The following RGS7 variants were observed in gnomAD, a reference collection of about 807,000 sequenced individuals.
RGS7 encodes the protein regulator of G protein signaling 7.
Under a neutral mutation model 81.1 loss-of-function variants are expected in RGS7, and 27 were observed. The observed-to-expected ratio is 0.33, with a 90% CI of 0.25 to 0.46. The LOEUF is 0.46. Ranked by LOEUF, RGS7 falls within the 20% of genes least tolerant of loss-of-function variation. The pLI, the probability that RGS7 is intolerant of heterozygous loss-of-function variation, is 1.00. For synonymous variants in RGS7, 208 were observed against 207.7 expected (o/e 1.00, Z -0.01); for missense variants, 396 against 607.4 (o/e 0.65, Z 3.66).
intron 2 of RGS7, among the ~76,000 whole-genome samples, chr1:241,237,684 G>C (rs1287501936): frequency 2.6e-5 from 4 of 152,180 alleles, no homozygotes; most frequent in African/African-American, 9.6e-5. Context: ...ACCAGAAGAA[G>C]AAAGGGGCGT....
At chr1:240,809,191 AG>A (rs1443776811) in intron 14 of RGS7, among the ~76,000 whole-genome samples, 2 of 152,230 alleles carry the variant, frequency 1.3e-5, no homozygotes, top group Non-Finnish European at 2.9e-5. Context: ...CTCAAAAAAA[AG>A]AATGAGGGAA....
At chr1:240,852,129 T>C (rs774024071) in intron 9 of RGS7, among the ~76,000 whole-genome samples, 1 of 152,144 alleles carries the variant, frequency 6.6e-6, no homozygotes, top group Non-Finnish European at 1.5e-5. Flanking sequence ...AAAGAGTCAA[T>C]TGATGTGGCA....
intron 4 of RGS7, among the ~76,000 whole-genome samples, chr1:240,973,937 T>G (rs761673680): frequency 2.0e-4 from 31 of 152,162 alleles, no homozygotes; most frequent in Non-Finnish European, 3.8e-4. Flanking sequence ...GGGCTGTAAT[T>G]TCATTGGCAG....
At chr1:241,245,691 T>G (rs991711176) in intron 2 of RGS7, among the ~76,000 whole-genome samples, 1 of 151,534 alleles carries the variant, frequency 6.6e-6, no homozygotes, top group Non-Finnish European at 1.5e-5. Context: ...CCTGTAATCC[T>G]AGCTACTCGG....
At chr1:241,224,861 T>C (rs1039883739) in intron 2 of RGS7, among the ~76,000 whole-genome samples, 4 of 152,160 alleles carry the variant, frequency 2.6e-5, no homozygotes, top group Admixed American at 1.3e-4. Context: ...TATAGCTCAG[T>C]GATTGCCACA....
intron 2 of RGS7, among the ~76,000 whole-genome samples, chr1:241,155,154 G>A (rs940772570): frequency 9.2e-5 from 14 of 152,114 alleles, no homozygotes; most frequent in African/African-American, 3.4e-4. Flanking sequence ...GGGTCTCACT[G>A]TCTTGCCTAT....
intron 6 of RGS7, among the ~76,000 whole-genome samples, chr1:240,922,451 A>G (rs537323922): frequency 6.6e-6 from 1 of 152,110 alleles, no homozygotes; most frequent in Non-Finnish European, 1.5e-5. Flanking sequence ...AGACTGGGGG[A>G]AAATCTTTGC....
Position 240,909,234 on chromosome 1 carries a change from G to T in RGS7, c.385+21483C>A, listed in dbSNP as rs531870628. Among the ~76,000 whole-genome samples the T allele has an allele frequency of 7.2e-5, 11 of 152,270 alleles. No individual in the cohort carries two copies. The East Asian group carries it at 1.3e-3, about 19-fold the overall frequency. On this transcript the variant is annotated intron_variant, in intron 6 of 18. Transcript: ENST00000440928. Reference sequence around the variant, plus strand: ...TCATCAATTTAGTTTGTTATAAGTTGTTTGGTGAATCCCATACAGTGCAAT... The same window carrying T: ...TCATCAATTTAGTTTGTTATAAGTTTTTTGGTGAATCCCATACAGTGCAAT...
At chr1:240,951,516 T>C (rs1679553659) in intron 4 of RGS7, among the ~76,000 whole-genome samples, 2 of 152,180 alleles carry the variant, frequency 1.3e-5, no homozygotes. Flanking sequence ...CTTGCTGGGC[T>C]CATTAGCAGG....
chr1:240,871,002 A>C (rs183049377), intron 6 of RGS7, among the ~76,000 whole-genome samples: 62 of 152,308 alleles, frequency 4.1e-4, no homozygotes, highest in Non-Finnish European at 8.1e-4. Context: ...TGGAAAGTCC[A>C]TCTGGGCAGC....
intron 2 of RGS7, among the ~76,000 whole-genome samples, chr1:241,136,105 C>T (rs1332961996): frequency 6.6e-6 from 1 of 152,140 alleles, no homozygotes; most frequent in African/African-American, 2.4e-5. Context: ...CAAATCAGAT[C>T]TATCGTCCAC....
intron 18 of RGS7, among the ~76,000 whole-genome samples, chr1:240,781,175 G>A (rs1482110695): frequency 2.0e-5 from 3 of 152,110 alleles, no homozygotes; most frequent in South Asian, 2.1e-4. Context: ...ACAAACTCTT[G>A]TCCCAGGAAA....
chr1:241,318,108 T>C (rs1178462653), intron 2 of RGS7, among the ~76,000 whole-genome samples: 2 of 152,166 alleles, frequency 1.3e-5, no homozygotes, highest in African/African-American at 2.4e-5. Context: ...ACATATCCCC[T>C]GTCACTCAGG....
intron 2 of RGS7, among the ~76,000 whole-genome samples, chr1:241,279,889 C>G (rs1449312864): frequency 6.6e-6 from 1 of 152,044 alleles, no homozygotes; most frequent in Admixed American, 6.5e-5. Context: ...TGTGTATCAA[C>G]AGTTTATCCC....
At chr1:241,137,234 G>T (rs2067588746) in intron 2 of RGS7, among the ~76,000 whole-genome samples, 1 of 150,818 alleles carries the variant, frequency 6.6e-6, no homozygotes, top group Non-Finnish European at 1.5e-5. Context: ...TTTCTCTCCT[G>T]CTGTGAGCTC....
At chr1:241,069,135 C>T (rs2062274297) in intron 3 of RGS7, among the ~76,000 whole-genome samples, 1 of 152,164 alleles carries the variant, frequency 6.6e-6, no homozygotes, top group South Asian at 2.1e-4. Flanking sequence ...TACTCAGTCT[C>T]AGGTATTTCT....
chr1:240,878,925 A>C (rs1294128918), intron 6 of RGS7, among the ~76,000 whole-genome samples: 28 of 151,548 alleles, frequency 1.8e-4, no homozygotes, highest in Non-Finnish European at 1.5e-5. Context: ...TTTTCTTTTT[A>C]TTTTTTCCTT....
At chr1:240,809,309 C>T (rs1376449606) in intron 14 of RGS7, among the ~76,000 whole-genome samples, 3 of 151,910 alleles carry the variant, frequency 2.0e-5, no homozygotes, top group Non-Finnish European at 4.4e-5. Flanking sequence ...TTTTCCTGTC[C>T]TAATATTTGA....
intron 2 of RGS7, among the ~76,000 whole-genome samples, chr1:241,191,813 G>A (rs1255898066): frequency 6.6e-6 from 1 of 152,136 alleles, no homozygotes; most frequent in Non-Finnish European, 1.5e-5. Context: ...TTTCATGTTG[G>A]TTTACTTGTA....
Sources: gnomAD v4.1 joint callset for allele counts (sites outside exome capture counted in the v4.1 genomes callset) on GRCh38, gnomAD v4.1.1 for gene constraint, MANE v1.5 for transcripts, NCBI Gene and HGNC (gene_info 2026-07-23, HGNC 2026-07-21) for gene names.